The following ERCC6 variants were observed in gnomAD, a reference collection of about 807,000 sequenced individuals.
ERCC6 encodes DNA excision repair protein ERCC-6.
A neutral mutation model predicts 158.7 loss-of-function variants in ERCC6; 116 were observed. The ratio of observed to expected loss-of-function variants is 0.73; its 90% CI spans 0.63 to 0.85. The LOEUF is 0.85. Ranked by LOEUF, ERCC6 falls within the 40% of genes least tolerant of loss-of-function variation. The pLI, the probability that ERCC6 is intolerant of heterozygous loss-of-function variation, is 0.00. For synonymous variants in ERCC6, 678 were observed against 659.3 expected (o/e 1.03, Z -0.43); for missense variants, 1,698 against 1,799.4 (o/e 0.94, Z 1.02).
intron 18 of ERCC6, 30 bp downstream of exon 18, chr10:49,470,152 T>C: frequency 6.3e-7 from 1 of 1,597,648 alleles, no homozygotes; most frequent in Non-Finnish European, 8.6e-7. Context: ...AATCCTAGCA[T>C]CCCTGTGGCA....
At chr10:49,531,649 G>T (rs1024643634) in intron 2 of ERCC6, among the ~76,000 whole-genome samples, 2 of 152,184 alleles carry the variant, frequency 1.3e-5, no homozygotes, top group Non-Finnish European at 2.9e-5. Context: ...TCAACACTCA[G>T]ACTATAACCA....
At chr10:49,451,889 T>C (rs1315524337), downstream of ERCC6, among the ~76,000 whole-genome samples, 1 of 152,224 alleles carries the variant, frequency 6.6e-6, no homozygotes, top group Non-Finnish European at 1.5e-5. Context: ...GGCAATTTTC[T>C]GATTCCTGGT....
chr10:49,448,577 A>C, the ERCC6 span, among the ~76,000 whole-genome samples: 3 of 152,190 alleles, frequency 2.0e-5, no homozygotes, highest in African/African-American at 7.2e-5. Context: ...AAAACCTAAA[A>C]ATCACCTCCA....
chr10:49,474,108 C>T lies in ERCC6; in HGVS notation c.2517G>A (p.Gly839=). ...EDQFGYWKRS[G]KMIVVESLLK... is the part of the protein sequence containing the mutation. ...ACAAAGACTCAACAACAATCATTTT[C>T]CCAGAACGTTTCCAGTACCCAAACT... The change falls in exon 13 of 21, where the codon GGG becomes GGA. Residue 839 remains glycine (G), a synonymous_variant. Transcript: ENST00000355832. 1 of 1,614,144 alleles carries T rather than the reference C, an allele frequency of 6.2e-7. No individual in the cohort carries two copies. Among genetic ancestry groups the T allele is most frequent in the Non-Finnish European group, 8.5e-7 (1 of 1,180,024 alleles).
In ERCC6 at chr10:49,500,553, C is replaced by T. The variant is rs41549213; in HGVS notation, c.1670G>A (p.Arg557His). 304 of 1,613,786 alleles carry T rather than the reference C, an allele frequency of 1.9e-4. No individual in the cohort carries two copies. Among genetic ancestry groups the T allele is most frequent in the Non-Finnish European group, 2.4e-4 (286 of 1,179,880 alleles). ...GAGCACTTGCCTGTAATTTGAACCA[C>T]GAGTCCTGATCTTGCTGTAGCTCAG... ...AGLSYSKIRT[R>H]GSNYRFEGLG... Residue 557 changes from arginine (R) to histidine (H), a missense_variant, in exon 7 of 21, where the codon CGT (arginine) becomes CAT (histidine). Physicochemically the swap from Arg to His is conservative, Grantham distance 29 (BLOSUM62 0). Transcript: ENST00000355832.
downstream of ERCC6, among the ~76,000 whole-genome samples, chr10:49,449,931 G>T: frequency 6.6e-6 from 1 of 151,884 alleles, no homozygotes; most frequent in Non-Finnish European, 1.5e-5. Flanking sequence ...GGAGTACAGT[G>T]GCATGCTCAT....
In ERCC6 at chr10:49,472,983, A is replaced by G; in HGVS notation, c.2755T>C (p.Leu919=). 1.2e-6 allele frequency: 2 copies of G among 1,614,174 alleles called. No individual in the cohort carries two copies. The highest frequency in any genetic ancestry group is 4.5e-5 in the East Asian group (2 of 44,864). The change falls in exon 15 of 21, where the codon TTA becomes CTA. Residue 919 remains leucine (L), a synonymous_variant. Coordinates refer to ENST00000355832, the MANE Select transcript of ERCC6 (RefSeq NM_000124.4). ...VFLLTTRVGG[L]GVNLTGANRV... is the part of the protein sequence containing the mutation. ...TTTGCCCCCGTCAGGTTGACACCTA[A>G]GCCGCCCACCCGCGTGGTCAGAAGA...
intron 5 of ERCC6, chr10:49,517,088 T>C (rs745917661): frequency 1.3e-5 from 21 of 1,602,234 alleles, no homozygotes; most frequent in Non-Finnish European, 1.7e-5. Context: ...GGTCAGTTAT[T>C]TCATGTAAAC....
chr10:49,471,622 G>A (rs1189226882), intron 16 of ERCC6, among the ~76,000 whole-genome samples: 1 of 152,042 alleles, frequency 6.6e-6, no homozygotes, highest in Non-Finnish European at 1.5e-5. Context: ...ACCTCCACCA[G>A]CCACCCTGTC....
intron 5 of ERCC6, chr10:49,516,032 A>C: frequency 6.2e-7 from 1 of 1,614,148 alleles, no homozygotes; most frequent in Non-Finnish European, 8.5e-7. Flanking sequence ...TGAGCTTATC[A>C]AGAAGTGCAA....
intron 5 of ERCC6, among the ~76,000 whole-genome samples, chr10:49,520,258 C>A (rs75941022): frequency 0.015 from 2,236 of 152,256 alleles, 48 homozygotes; most frequent in African/African-American, 0.05. Flanking sequence ...CCTAAGTCAG[C>A]GTCTCCAGTG....
downstream of ERCC6, among the ~76,000 whole-genome samples, chr10:49,452,147 T>A (rs1850427719): frequency 6.6e-6 from 1 of 151,892 alleles, no homozygotes; most frequent in Non-Finnish European, 1.5e-5. Flanking sequence ...TTCTGCTTGC[T>A]TTAGGTTTAG....
chr10:49,494,823 T>G (rs1389417729), intron 7 of ERCC6, among the ~76,000 whole-genome samples: 2 of 152,220 alleles, frequency 1.3e-5, no homozygotes, highest in Non-Finnish European at 2.9e-5. Context: ...TAAGGAGATC[T>G]AATGATTACA....
intron 7 of ERCC6, among the ~76,000 whole-genome samples, chr10:49,495,047 C>T (rs1212882949): frequency 6.6e-6 from 1 of 152,196 alleles, no homozygotes; most frequent in Non-Finnish European, 1.5e-5. Context: ...TGCATCTGCA[C>T]TCCTCCTGCC....
rs778610099 is a variant in ERCC6, at chr10:49,524,148, G to A, written c.1282C>T (p.Pro428Ser). The A allele has an allele frequency of 1.2e-6, 2 of 1,613,774 alleles. No individual in the cohort carries two copies. Among genetic ancestry groups the A allele is most frequent in the Admixed American group, 1.7e-5 (1 of 59,976 alleles). ...GCTTCAGCTTCTTCCCCAGAACTTG[G>A]GAAAAAGTCATCATCAATCTCCTGC... ...PVQEIDDDFF[P>S]SSGEEAEAAS... Residue 428 changes from proline to serine, a missense_variant, in exon 5 of 21, where the codon CCA becomes TCA. Coordinates refer to ENST00000355832, the MANE Select transcript of ERCC6 (RefSeq NM_000124.4).
rs1412540972 is a variant in ERCC6 at position 49,532,857 on chromosome 10, A to AC, written c.107dup (p.Gly37TrpfsTer2). 1 of 1,614,090 alleles carries AC rather than the reference A, an allele frequency of 6.2e-7. No homozygotes were observed. The highest frequency in any genetic ancestry group is 2.2e-5 in the East Asian group (1 of 44,876). ...GGTACTCCTCCACCTCCCCATCACC[A>AC]CCACTTTCTTGCTTGATTGCCATTT... On this transcript the variant is annotated frameshift_variant, in exon 2 of 21. Coordinates refer to ENST00000355832, the MANE Select transcript of ERCC6 (RefSeq NM_000124.4). LOFTEE classifies it high-confidence loss of function.
intron 6 of ERCC6, 140 bp from the exon 7 acceptor site, chr10:49,500,836 A>T: frequency 4.7e-6 from 4 of 842,324 alleles, no homozygotes; most frequent in Non-Finnish European, 5.7e-6. Flanking sequence ...TGTGTTTTAC[A>T]TGAGTATTAT....
intron 7 of ERCC6, among the ~76,000 whole-genome samples, chr10:49,494,186 T>G (rs2132566323): frequency 6.6e-6 from 1 of 152,312 alleles, no homozygotes; most frequent in Middle Eastern, 3.4e-3. Context: ...CTGCACACAT[T>G]GTATGATCTC....
In ERCC6 at chr10:49,467,208, G is replaced by A. The variant is rs536356846; in HGVS notation, c.3778+2974C>T. Among the ~76,000 whole-genome samples, 10 of 152,262 alleles carry A rather than the reference G, an allele frequency of 6.6e-5. No individual in the cohort carries two copies. In the South Asian group the frequency reaches 1.0e-3, roughly 16 times the overall value. ...TACGAATATTCATGTACAAGCCTTC[G>A]TATGGACATATTTTTCCATTTCTCT... On this transcript the variant is annotated intron_variant, in intron 18 of 20. Transcript: ENST00000355832.
Sources: gnomAD v4.1 joint callset for allele counts (sites outside exome capture counted in the v4.1 genomes callset) on GRCh38, gnomAD v4.1.1 for gene constraint, MANE v1.5 for transcripts, NCBI Gene and HGNC (gene_info 2026-07-23, HGNC 2026-07-21) for gene names.